WDR59: variants seen among roughly 807,000 people sequenced by gnomAD.
WDR59 encodes the protein GATOR2 complex protein WDR59.
A neutral mutation model predicts 131.2 loss-of-function variants in WDR59; 100 were observed. The observed-to-expected ratio is 0.76, with a 90% CI of 0.65 to 0.90. WDR59 has a LOEUF of 0.90. WDR59 is among the 40% of genes least tolerant of loss of function. The probability of loss-of-function intolerance (pLI) is 0.00; values close to 1 mark genes in which losing one functional copy is unlikely to be tolerated. For missense variants in WDR59, 1,203 were observed against 1,262.2 expected (o/e 0.95, Z 0.71); for synonymous variants, 601 against 466.2 (o/e 1.29, Z -3.72).
Position 74,976,628 on chromosome 16 carries a change from A to G in WDR59, c.54+8336T>C, listed in dbSNP as rs546623026. ...GGCTAATTTTCTGTATTTTTAGTAG[A>G]GACAGGGTTTCACTGTGTTAGCCAG... is the stretch of plus-strand genomic sequence containing the variant. On this transcript the variant is annotated intron_variant, in intron 1 of 25. Coordinates refer to ENST00000262144, the MANE Select transcript of WDR59 (RefSeq NM_030581.4). Among the ~76,000 whole-genome samples, 16 of 152,096 alleles carry G rather than the reference A, an allele frequency of 1.1e-4. No individual in the cohort carries two copies. In the East Asian group the frequency reaches 2.1e-3, roughly 20 times the overall value.
intron 18 of WDR59, among the ~76,000 whole-genome samples, chr16:74,900,060 A>C (rs1965476588): frequency 6.6e-6 from 1 of 152,212 alleles, no homozygotes; most frequent in Non-Finnish European, 1.5e-5. Flanking sequence ...GGAACTACAA[A>C]TAGGTTTGAG....
chr16:74,927,272 CA>C (rs2030910350), intron 8 of WDR59, among the ~76,000 whole-genome samples: 1 of 152,108 alleles, frequency 6.6e-6, no homozygotes, highest in African/African-American at 2.4e-5. Flanking sequence ...AGTAGCTAAA[CA>C]TAAAATGAGA....
At position 74,889,013 on chromosome 16, in the gene WDR59, G is replaced by A. The variant is rs1034090404; in HGVS notation, c.2195+690C>T. ...TTTTCACACTCACTATCTTATTTGA[G>A]TCTTACACGAAATAAGTAGAGTAAA... On this transcript the variant is annotated intron_variant, in intron 21 of 25. Coordinates refer to ENST00000262144, the MANE Select transcript of WDR59 (RefSeq NM_030581.4). Among the ~76,000 whole-genome samples the A allele has an allele frequency of 4.6e-5, 7 of 152,302 alleles. 1 individual carries two copies. The highest frequency in any genetic ancestry group is 3.3e-4 in the Admixed American group (5 of 15,306).
intron 25 of WDR59, among the ~76,000 whole-genome samples, chr16:74,876,402 A>G (rs556104768): frequency 3.9e-5 from 6 of 152,320 alleles, no homozygotes; most frequent in African/African-American, 1.4e-4. Flanking sequence ...CAACATTATG[A>G]GAATGTAAAT....
intron 1 of WDR59, among the ~76,000 whole-genome samples, chr16:74,973,972 C>T (rs2034087288): frequency 6.6e-6 from 1 of 152,112 alleles, no homozygotes; most frequent in Non-Finnish European, 1.5e-5. Flanking sequence ...GAGTTCGAGA[C>T]CAGCCTGGCC....
chr16:74,893,243 C>A (rs2144832998), intron 19 of WDR59, among the ~76,000 whole-genome samples: 1 of 152,284 alleles, frequency 6.6e-6, no homozygotes, highest in South Asian at 2.1e-4. Flanking sequence ...TGGGGCTGAC[C>A]TCATCAGGTG....
intron 2 of WDR59, among the ~76,000 whole-genome samples, chr16:74,964,797 T>C (rs1269435834): frequency 1.3e-5 from 2 of 152,152 alleles, no homozygotes; most frequent in African/African-American, 4.8e-5. Flanking sequence ...ACACCTGTTA[T>C]CCCAGCACTT....
chr16:74,877,415 C>G (rs535232008), intron 25 of WDR59, among the ~76,000 whole-genome samples: 1 of 152,314 alleles, frequency 6.6e-6, no homozygotes, highest in South Asian at 2.1e-4. Context: ...CCAAAATTAT[C>G]TCACTTGACA....
chr16:74,928,858 G>C (rs1193752537), intron 8 of WDR59, among the ~76,000 whole-genome samples: 1 of 152,022 alleles, frequency 6.6e-6, no homozygotes, highest in African/African-American at 2.4e-5. Context: ...GCAGTGAGCT[G>C]AGATCACACC....
chr16:74,980,516 G>C (rs547630003), intron 1 of WDR59, among the ~76,000 whole-genome samples: 1 of 151,114 alleles, frequency 6.6e-6, no homozygotes, highest in African/African-American at 2.4e-5. Flanking sequence ...ACCATGCCTG[G>C]CTAATTTTTG....
intron 25 of WDR59, among the ~76,000 whole-genome samples, chr16:74,884,394 G>A (rs1036400025): frequency 6.6e-6 from 1 of 152,250 alleles, no homozygotes; most frequent in Admixed American, 6.5e-5. Context: ...TGTCACCCAG[G>A]CTGGAGTGCA....
chr16:74,941,698 A>AG (rs1028888434), intron 7 of WDR59, among the ~76,000 whole-genome samples: 1 of 150,838 alleles, frequency 6.6e-6, no homozygotes, highest in Non-Finnish European at 1.5e-5. Flanking sequence ...TCTCAAGAAA[A>AG]AAAAAAAAAA....
chr16:74,928,072 T>G (rs902651205), intron 8 of WDR59, among the ~76,000 whole-genome samples: 1 of 151,810 alleles, frequency 6.6e-6, no homozygotes, highest in Non-Finnish European at 1.5e-5. Flanking sequence ...CACGCCCAGC[T>G]AATTTTTGTA....
chr16:74,981,908 G>A lies in WDR59; in HGVS notation c.54+3056C>T, dbSNP rs563163956. Among the ~76,000 whole-genome samples the A allele has an allele frequency of 3.6e-4, 48 of 133,698 alleles. No individual in the cohort carries two copies. The East Asian group carries it at 0.011, about 31-fold the overall frequency. The allele number at this position is 133,698 out of a possible 152,430, so 87.7% of individuals were successfully genotyped here. ...TGACCTCAGGTGATCCGCCTACCTC[G>A]GCCTCCCAAAGTGGTGGGATTACAG... On this transcript the variant is annotated intron_variant, in intron 1 of 25. Transcript: ENST00000262144.
Position 74,949,330 on chromosome 16 carries a change from CAAAAAAAA to C in WDR59, c.407+380_407+387del, listed in dbSNP as rs550013099. Among the ~76,000 whole-genome samples the C allele has an allele frequency of 1.2e-3, 50 of 42,616 alleles. No homozygotes were observed. The East Asian group carries it at 0.029, about 25-fold the overall frequency. The allele number at this position is 42,616 out of a possible 152,430, so 28.0% of individuals were successfully genotyped here. On this transcript the variant is annotated intron_variant, in intron 5 of 25. Transcript: ENST00000262144. ...TGGGTGACAGAGTAATACCTTGTCTCAAAAAAAAAAAAAAAAAAAAAAAAGAAAGGAAA... is the reference window on the plus strand; with the variant it reads ...TGGGTGACAGAGTAATACCTTGTCTCAAAAAAAAAAAAAAAAGAAAGGAAA...
chr16:74,976,651 C>T (rs903159444), intron 1 of WDR59, among the ~76,000 whole-genome samples: 2 of 152,060 alleles, frequency 1.3e-5, no homozygotes, highest in East Asian at 3.9e-4. Flanking sequence ...CTGTGTTAGC[C>T]AGGATGGTCT....
intron 7 of WDR59, among the ~76,000 whole-genome samples, chr16:74,942,387 C>T (rs976288575): frequency 3.9e-5 from 6 of 152,092 alleles, no homozygotes; most frequent in African/African-American, 9.7e-5. Flanking sequence ...TCTAGAATAG[C>T]GCCTGGGCTC....
At chr16:74,900,960 A>G (rs1259595980) in intron 18 of WDR59, among the ~76,000 whole-genome samples, 2 of 152,332 alleles carry the variant, frequency 1.3e-5, no homozygotes, top group East Asian at 3.9e-4. Flanking sequence ...TTAGCCGGGC[A>G]TGGTGTTGGG....
intron 17 of WDR59, among the ~76,000 whole-genome samples, chr16:74,908,431 G>GA (rs1311734475): frequency 6.6e-6 from 1 of 151,584 alleles, no homozygotes; most frequent in Admixed American, 6.6e-5. Context: ...AAAGAAAAAA[G>GA]AAAAAAACTT....
Sources: gnomAD v4.1 joint callset for allele counts (sites outside exome capture counted in the v4.1 genomes callset) on GRCh38, gnomAD v4.1.1 for gene constraint, MANE v1.5 for transcripts, NCBI Gene and HGNC (gene_info 2026-07-23, HGNC 2026-07-21) for gene names.